The following MECOM variants were observed in gnomAD, a reference collection of about 807,000 sequenced individuals.
MECOM encodes histone-lysine N-methyltransferase MECOM.
Under a neutral mutation model 116.3 loss-of-function variants are expected in MECOM, and 13 were observed. The observed-to-expected ratio is 0.11, with a 90% CI of 0.07 to 0.18. The LOEUF is 0.18. Among genes scored for constraint, MECOM ranks in the 10% least tolerant of loss-of-function variants. The pLI, the probability that MECOM is intolerant of heterozygous loss-of-function variation, is 1.00. For missense variants in MECOM, 1,299 were observed against 1,509.0 expected, an observed-to-expected ratio of 0.86 and a Z score of 2.31; for synonymous variants, 528 against 535.2, an observed-to-expected ratio of 0.99 and a Z score of 0.19.
rs138553069 is a variant in MECOM, at chr3:169,605,344, C to T, written c.37+57992G>A. Reference sequence around the variant, plus strand: ...TTATTCAAACTAAAGGAAAACTACACAAAGGAAAAAAGTAGAGTTATATAT... The same window carrying T: ...TTATTCAAACTAAAGGAAAACTACATAAAGGAAAAAAGTAGAGTTATATAT... On this transcript the variant is annotated intron_variant, in intron 1 of 16. Coordinates refer to ENST00000651503, the MANE Select transcript of MECOM (RefSeq NM_004991.4). Among the ~76,000 whole-genome samples, 1,001 of 152,164 alleles carry T rather than the reference C, an allele frequency of 6.6e-3. 10 individuals are homozygous for T. The highest frequency in any genetic ancestry group is 0.023 in the African/African-American group (936 of 41,524).
chr3:169,288,071 C>A (rs1713724531), intron 2 of MECOM, among the ~76,000 whole-genome samples: 1 of 152,082 alleles, frequency 6.6e-6, no homozygotes. Flanking sequence ...TCACTGCTAC[C>A]TCAGTGGTGA....
At chr3:169,588,700 T>C (rs924203566) in intron 1 of MECOM, among the ~76,000 whole-genome samples, 45 of 152,156 alleles carry the variant, frequency 3.0e-4, no homozygotes, top group African/African-American at 9.9e-4. Flanking sequence ...TGTGGAAACA[T>C]TTTAGAACTC....
In MECOM at chr3:169,472,725, GGGAAGGAA is replaced by G. The variant is rs139566154; in HGVS notation, c.38-91209_38-91202del. Among the ~76,000 whole-genome samples the G allele has an allele frequency of 6.5e-4, 79 of 121,692 alleles. 2 individuals are homozygous for G. The highest frequency in any genetic ancestry group is 1.9e-3 in the South Asian group (7 of 3,646). The allele number at this position is 121,692 out of a possible 152,430, so 79.8% of individuals were successfully genotyped here. Reference sequence around the variant, plus strand: ...AAGGAAAGGAAGAAAGGGAGGGAGGGGGAAGGAAGGAAGGAAGGAAGGAAGAAGAGAGG... The same window carrying G: ...AAGGAAAGGAAGAAAGGGAGGGAGGGGGAAGGAAGGAAGGAAGAAGAGAGG... On this transcript the variant is annotated intron_variant, in intron 1 of 16. Coordinates refer to ENST00000651503, the MANE Select transcript of MECOM (RefSeq NM_004991.4).
chr3:169,105,817 G>A (rs959697892), intron 10 of MECOM, among the ~76,000 whole-genome samples: 4 of 152,046 alleles, frequency 2.6e-5, no homozygotes, highest in African/African-American at 7.2e-5. Flanking sequence ...TTATACTGAC[G>A]CAAACTAATA....
chr3:169,476,682 C>T (rs1040881000), intron 1 of MECOM, among the ~76,000 whole-genome samples: 5 of 151,952 alleles, frequency 3.3e-5, no homozygotes, highest in African/African-American at 1.2e-4. Flanking sequence ...TTTTTTCTCC[C>T]CCTTCTCCCC....
At position 169,116,188 on chromosome 3, in the gene MECOM, C is replaced by G; in HGVS notation, c.1684G>C (p.Glu562Gln). 2 of 1,614,170 alleles carry G rather than the reference C, an allele frequency of 1.2e-6. No homozygotes were observed. The highest frequency in any genetic ancestry group is 3.3e-5 in the Admixed American group (2 of 60,028). Residue 562 changes from glutamate (E) to glutamine (Q), a missense_variant, in exon 8 of 17, where the codon GAG becomes CAG. Around this residue, in one of 6 missense-constraint regions of MECOM, gnomAD observed 238 missense variants for 273.1 expected, o/e 0.87. Coordinates refer to ENST00000651503, the MANE Select transcript of MECOM (RefSeq NM_004991.4). ...AAGGGCCTCTCTTCAGAGGACCTCT[C>G]GGGCTGGAGCTCCACTGGCTTATTG... Reference protein sequence around the residue: ...GDNKPVELQPERSSEERPFEK... With the variant: ...GDNKPVELQPQRSSEERPFEK...
At chr3:169,505,360 C>T (rs147770221) in intron 1 of MECOM, among the ~76,000 whole-genome samples, 5 of 150,914 alleles carry the variant, frequency 3.3e-5, no homozygotes, top group African/African-American at 1.2e-4. Flanking sequence ...CAAAGGCATA[C>T]CAAAACATCA....
chr3:169,579,953 A>G (rs528472616), intron 1 of MECOM, among the ~76,000 whole-genome samples: 1 of 152,282 alleles, frequency 6.6e-6, no homozygotes, highest in Admixed American at 6.5e-5. Context: ...TAGGAGCCCA[A>G]TTATTAATTT....
rs566127761 is a variant in MECOM, at chr3:169,312,631, G to A, written c.375+68556C>T. Among the ~76,000 whole-genome samples the A allele has an allele frequency of 4.6e-5, 7 of 152,290 alleles. No homozygotes were observed. In the East Asian group the frequency reaches 1.4e-3, roughly 29 times the overall value. On this transcript the variant is annotated intron_variant, in intron 2 of 16. Coordinates refer to ENST00000651503, the MANE Select transcript of MECOM (RefSeq NM_004991.4). ...CTGACCTCGTGATCCGCCCGCCTCG[G>A]CCTCCCAAAGTGCCGGGATTACAGG... is the stretch of plus-strand genomic sequence containing the variant.
At chr3:169,109,743 T>A (rs1726710792) in intron 9 of MECOM, among the ~76,000 whole-genome samples, 1 of 152,184 alleles carries the variant, frequency 6.6e-6, no homozygotes, top group Non-Finnish European at 1.5e-5. Flanking sequence ...ACAGAATTTT[T>A]AAAATACGTA....
chr3:169,474,816 G>C (rs1750091079), intron 1 of MECOM, among the ~76,000 whole-genome samples: 1 of 64,434 alleles, frequency 1.6e-5, no homozygotes, highest in East Asian at 3.8e-4. Flanking sequence ...TATTAGCTTA[G>C]TGTCTAGTAC....
chr3:169,602,455 A>T (rs1297643409), intron 1 of MECOM, among the ~76,000 whole-genome samples: 2 of 152,114 alleles, frequency 1.3e-5, no homozygotes, highest in Admixed American at 1.3e-4. Context: ...CCAATATCAG[A>T]TTTCTCAACC....
chr3:169,390,927 T>A (rs1864514), intron 1 of MECOM, among the ~76,000 whole-genome samples: 1 of 152,178 alleles, frequency 6.6e-6, no homozygotes, highest in South Asian at 2.1e-4. Flanking sequence ...AGATCTACCT[T>A]CTACCACATG....
chr3:169,569,364 C>T (rs1309948286), intron 1 of MECOM, among the ~76,000 whole-genome samples: 1 of 152,202 alleles, frequency 6.6e-6, no homozygotes, highest in Non-Finnish European at 1.5e-5. Context: ...GAGACTTAGA[C>T]TCCCAGATAA....
At chr3:169,511,501 C>T (rs1755951467) in intron 1 of MECOM, among the ~76,000 whole-genome samples, 1 of 152,174 alleles carries the variant, frequency 6.6e-6, no homozygotes, top group Non-Finnish European at 1.5e-5. Context: ...GTGGCTCATG[C>T]CTGTAGTCCC....
At chr3:169,485,810 T>C (rs1025385182) in intron 1 of MECOM, among the ~76,000 whole-genome samples, 3 of 146,802 alleles carry the variant, frequency 2.0e-5, no homozygotes, top group African/African-American at 7.6e-5. Context: ...TGTACAATTC[T>C]TCCTCTAAAT....
intron 10 of MECOM, among the ~76,000 whole-genome samples, chr3:169,103,458 C>T (rs1430094243): frequency 1.3e-5 from 2 of 152,114 alleles, no homozygotes; most frequent in African/African-American, 4.8e-5. Flanking sequence ...ATTCTCAGGG[C>T]AGTGTGCCAT....
At chr3:169,173,560 A>G (rs535446289) in intron 2 of MECOM, among the ~76,000 whole-genome samples, 3 of 152,252 alleles carry the variant, frequency 2.0e-5, no homozygotes, top group South Asian at 4.1e-4. Context: ...CTTAGCCTCT[A>G]TGACTCTCTC....
chr3:169,526,455 T>G (rs1306545469), intron 1 of MECOM, among the ~76,000 whole-genome samples: 1 of 152,200 alleles, frequency 6.6e-6, no homozygotes, highest in East Asian at 1.9e-4. Context: ...GTCCACTGAT[T>G]CATAAACCAC....
Sources: allele counts gnomAD v4.1 joint callset (sites outside exome capture counted in the v4.1 genomes callset), GRCh38; gene constraint gnomAD v4.1.1; regional missense constraint gnomAD v4.1.1; transcripts MANE v1.5; gene names NCBI Gene and HGNC (gene_info 2026-07-23, HGNC 2026-07-21).